TENM4: variants seen among roughly 807,000 people sequenced by gnomAD.
TENM4 encodes the protein teneurin transmembrane protein 4, also known as teneurin-4.
A neutral mutation model predicts 243.3 loss-of-function variants in TENM4; 82 were observed. The ratio of observed to expected loss-of-function variants is 0.34; its 90% CI spans 0.28 to 0.40. The LOEUF is 0.40. Among genes scored for constraint, TENM4 ranks in the 10% least tolerant of loss-of-function variants. The pLI is 1.00. For missense variants in TENM4, 3,138 were observed against 3,673.3 expected (o/e 0.85, Z 3.77); for synonymous variants, 1,412 against 1,456.3 (o/e 0.97, Z 0.69).
chr11:78,970,927 G>A (rs1857530499), intron 6 of TENM4, among the ~76,000 whole-genome samples: 1 of 152,060 alleles, frequency 6.6e-6, no homozygotes, highest in Non-Finnish European at 1.5e-5. Flanking sequence ...TCACTGTTAT[G>A]GGCAATAGAA....
At chr11:79,166,693 C>T (rs555732440) in intron 3 of TENM4, among the ~76,000 whole-genome samples, 1 of 152,304 alleles carries the variant, frequency 6.6e-6, no homozygotes, top group South Asian at 2.1e-4. Flanking sequence ...TTCAGTCGGT[C>T]TAGCTCAATT....
intron 6 of TENM4, among the ~76,000 whole-genome samples, chr11:78,967,254 A>G (rs1477796603): frequency 6.6e-6 from 1 of 152,152 alleles, no homozygotes; most frequent in Non-Finnish European, 1.5e-5. Context: ...CCTTGCCATT[A>G]CCATATGTGC....
chr11:79,005,621 T>G (rs1171304664), intron 6 of TENM4, among the ~76,000 whole-genome samples: 1 of 152,062 alleles, frequency 6.6e-6, no homozygotes, highest in African/African-American at 2.4e-5. Context: ...ATAACAGCCA[T>G]CTATGACAAA....
intron 4 of TENM4, among the ~76,000 whole-genome samples, chr11:79,073,955 A>G (rs1238667290): frequency 4.6e-5 from 7 of 151,960 alleles, no homozygotes; most frequent in African/African-American, 1.4e-4. Context: ...AAGGCTGAGA[A>G]ACGTTTTAGG....
intron 4 of TENM4, among the ~76,000 whole-genome samples, chr11:79,101,433 C>T (rs1372436304): frequency 6.6e-6 from 1 of 152,206 alleles, no homozygotes; most frequent in African/African-American, 2.4e-5. Flanking sequence ...CCTTGGCATG[C>T]TCCAGGACTA....
chr11:79,066,744 A>ACG (rs1401622966), intron 5 of TENM4, among the ~76,000 whole-genome samples: 1 of 150,096 alleles, frequency 6.7e-6, no homozygotes, highest in Non-Finnish European at 1.5e-5. Flanking sequence ...ACGCACATGC[A>ACG]CACACGCACG....
chr11:79,169,886 C>T (rs1863000551), intron 3 of TENM4, among the ~76,000 whole-genome samples: 1 of 152,162 alleles, frequency 6.6e-6, no homozygotes, highest in Non-Finnish European at 1.5e-5. Flanking sequence ...AGTAAGAAAT[C>T]TCTCTAGCCA....
chr11:79,159,308 G>A (rs534046690), intron 3 of TENM4, among the ~76,000 whole-genome samples: 10 of 152,200 alleles, frequency 6.6e-5, no homozygotes, highest in Admixed American at 1.3e-4. Context: ...AACACCACAG[G>A]GAATAACAGT....
intron 2 of TENM4, among the ~76,000 whole-genome samples, chr11:79,276,487 G>C (rs762808981): frequency 1.3e-5 from 2 of 151,654 alleles, no homozygotes; most frequent in African/African-American, 4.9e-5. Context: ...TGTTTGGAGG[G>C]GGGTGGGAGA....
chr11:79,178,480 G>A (rs527725868), intron 3 of TENM4, among the ~76,000 whole-genome samples: 1 of 152,282 alleles, frequency 6.6e-6, no homozygotes, highest in Admixed American at 6.5e-5. Flanking sequence ...GAAAGAGGTG[G>A]AAGAAGTAGT....
chr11:78,855,021 T>C (rs1858644624), intron 11 of TENM4, among the ~76,000 whole-genome samples: 1 of 152,182 alleles, frequency 6.6e-6, no homozygotes, highest in Non-Finnish European at 1.5e-5. Flanking sequence ...TAAGTCCTAC[T>C]GGCCTATTAG....
chr11:78,835,724 G>A (rs1035282798), intron 12 of TENM4, among the ~76,000 whole-genome samples: 3 of 152,150 alleles, frequency 2.0e-5, no homozygotes, highest in Non-Finnish European at 4.4e-5. Flanking sequence ...TCGCTGTCAT[G>A]TACTTAATAT....
chr11:78,658,901 TCAAAACCACAC>T, intron 33 of TENM4, 85 bp from the exon 34 acceptor site: 1 of 1,437,536 alleles, frequency 7.0e-7, no homozygotes, highest in Non-Finnish European at 9.4e-7. Context: ...AATAATGAAG[TCAAAACCACAC>T]ATATTTATTA....
At chr11:78,985,644 G>C (rs1857900138) in intron 6 of TENM4, among the ~76,000 whole-genome samples, 1 of 152,044 alleles carries the variant, frequency 6.6e-6, no homozygotes, top group South Asian at 2.1e-4. Flanking sequence ...TGATTGGTAG[G>C]GCTTTCTGTA....
At chr11:79,355,864 A>C (rs1413147696) in intron 1 of TENM4, among the ~76,000 whole-genome samples, 2 of 152,152 alleles carry the variant, frequency 1.3e-5, no homozygotes, top group Non-Finnish European at 2.9e-5. Flanking sequence ...AAATTACGGA[A>C]CCTCAGTGGA....
chr11:79,415,534 T>C lies in TENM4; in HGVS notation c.-321+24975A>G, dbSNP rs137899839. On this transcript the variant is annotated intron_variant, in intron 1 of 33. Coordinates refer to ENST00000278550, the MANE Select transcript of TENM4 (RefSeq NM_001098816.3). ...GGAATGATGTGATGTAGGTTTACCA[T>C]CTCCACTTTCATATGGAAAAGCTGC... is the stretch of plus-strand genomic sequence containing the variant. 2.6e-5 allele frequency among the ~76,000 whole-genome samples: 4 copies of C among 152,280 alleles called. No individual in the cohort carries two copies. In the East Asian group the frequency reaches 7.8e-4, roughly 30 times the overall value.
chr11:79,014,944 A>T (rs754777254), intron 6 of TENM4, among the ~76,000 whole-genome samples: 6 of 152,200 alleles, frequency 3.9e-5, no homozygotes, highest in Non-Finnish European at 5.9e-5. Context: ...GTTTCACTCT[A>T]CACAGTTGTA....
chr11:79,414,968 T>C (rs916000961), intron 1 of TENM4, among the ~76,000 whole-genome samples: 7 of 152,308 alleles, frequency 4.6e-5, no homozygotes, highest in Admixed American at 3.9e-4. Flanking sequence ...GCGGCCTGGC[T>C]TAGGGGAGAG....
intron 1 of TENM4, among the ~76,000 whole-genome samples, chr11:79,315,329 G>A (rs12803088): frequency 0.2 from 30,126 of 152,130 alleles, 3,243 homozygotes; most frequent in East Asian, 0.33. Flanking sequence ...GAGGTTCACC[G>A]CTCAAGACCA....
Sources: gnomAD v4.1 joint callset for allele counts (sites outside exome capture counted in the v4.1 genomes callset) on GRCh38, gnomAD v4.1.1 for gene constraint, MANE v1.5 for transcripts, NCBI Gene and HGNC (gene_info 2026-07-23, HGNC 2026-07-21) for gene names.